SPAG17: variants seen among roughly 807,000 people sequenced by gnomAD.
SPAG17 encodes the protein sperm-associated antigen 17.
Under a neutral mutation model 273.6 loss-of-function variants are expected in SPAG17, and 169 were observed. The observed-to-expected ratio is 0.62, with a 90% CI of 0.55 to 0.70. The LOEUF (loss-of-function observed/expected upper bound fraction) is 0.70. SPAG17 is among the 30% of genes least tolerant of loss of function. SPAG17 has a pLI of 0.00. For synonymous variants in SPAG17, 825 were observed against 873.2 expected, an observed-to-expected ratio of 0.94 and a Z score of 0.97; for missense variants, 2,557 against 2,627.8, an observed-to-expected ratio of 0.97 and a Z score of 0.59.
At chr1:118,015,823 C>T in intron 29 of SPAG17, 142 bp downstream of exon 29, 2 of 736,714 alleles carry the variant, frequency 2.7e-6, no homozygotes, top group Non-Finnish European at 4.4e-6. Context: ...TGAATCCAAT[C>T]ATCCATCCAT....
intron 32 of SPAG17, among the ~76,000 whole-genome samples, chr1:117,999,344 C>T (rs1326254131): frequency 6.6e-6 from 1 of 152,138 alleles, no homozygotes; most frequent in Non-Finnish European, 1.5e-5. Context: ...GGTGCATACC[C>T]AGTAATGGGA....
chr1:118,005,714 G>T, intron 31 of SPAG17, 112 bp from the exon 32 acceptor site: 3 of 731,620 alleles, frequency 4.1e-6, no homozygotes, highest in Non-Finnish European at 5.9e-6. Flanking sequence ...CACAAACTGT[G>T]TTTGCAGGAG....
chr1:118,157,622 G>C (rs867925860), intron 1 of SPAG17, among the ~76,000 whole-genome samples: 2 of 152,286 alleles, frequency 1.3e-5, no homozygotes, highest in East Asian at 3.9e-4. Context: ...ATACTGTGGT[G>C]GCCCCTTGAA....
At chr1:118,126,852 G>A (rs1033067621) in intron 3 of SPAG17, among the ~76,000 whole-genome samples, 55 of 152,264 alleles carry the variant, frequency 3.6e-4, no homozygotes, top group African/African-American at 1.2e-3. Context: ...TCCATTTTGA[G>A]TTGGTTTTTG....
chr1:118,004,955 T>C (rs1032005496), intron 32 of SPAG17, among the ~76,000 whole-genome samples: 52 of 152,200 alleles, frequency 3.4e-4, no homozygotes, highest in African/African-American at 1.3e-3. Flanking sequence ...CAGGATTGTG[T>C]TCTTGATTTG....
intron 30 of SPAG17, among the ~76,000 whole-genome samples, chr1:118,010,102 G>A (rs1659321718): frequency 6.6e-6 from 1 of 152,076 alleles, no homozygotes; most frequent in Admixed American, 6.6e-5. Context: ...TTGGGGAGAT[G>A]TTGGTCAAAG....
At chr1:118,070,439 C>A (rs1312819879) in intron 17 of SPAG17, among the ~76,000 whole-genome samples, 1 of 152,150 alleles carries the variant, frequency 6.6e-6, no homozygotes, top group Admixed American at 6.5e-5. Context: ...AGCAACTGGG[C>A]TATTGCCTAT....
rs180937504 is a variant in SPAG17, at chr1:117,996,954, A to G, written c.4777-211T>C. ...TCTACTTATAAATGACACCTAGAAC[A>G]GGAACACAGACTGAAACATATTCAG... On this transcript the variant is annotated intron_variant, in intron 32 of 48. Transcript: ENST00000336338. 6.0e-3 allele frequency among the ~76,000 whole-genome samples: 908 copies of G among 152,290 alleles called. 7 individuals carry two copies. Among genetic ancestry groups the G allele is most frequent in the Non-Finnish European group, 0.01 (696 of 68,016 alleles).
chr1:117,996,308 A>G (rs1025972963), intron 34 of SPAG17, 62 bp downstream of exon 34: 23 of 1,529,034 alleles, frequency 1.5e-5, no homozygotes, highest in Middle Eastern at 1.8e-4. Flanking sequence ...TAGACTGGAT[A>G]GTAAGGAGGA....
intron 46 of SPAG17, among the ~76,000 whole-genome samples, chr1:117,968,128 T>A (rs1654081566): frequency 6.6e-6 from 1 of 152,118 alleles, no homozygotes; most frequent in African/African-American, 2.4e-5. Flanking sequence ...TTTGAGCAGA[T>A]TCATTTAGTG....
Position 118,040,828 on chromosome 1 carries a change from T to C in SPAG17, c.3068A>G (p.Asn1023Ser), listed in dbSNP as rs1347567675. 6 of 1,576,112 alleles carry C rather than the reference T, an allele frequency of 3.8e-6. No homozygotes were observed. The highest frequency in any genetic ancestry group is 5.2e-6 in the Non-Finnish European group (6 of 1,144,948). ...GATTTGAGTGGGTATATTTCCCATA[T>C]TGTATCCGTGAAACTAGAAGAGAAA... ...PKITYPFHGY[N>S]MGNIPTQISG... Residue 1023 changes from asparagine to serine, a missense_variant, in exon 22 of 49, where the codon AAT becomes AGT. Asn to Ser is a conservative substitution (Grantham distance 46, BLOSUM62 1). Coordinates refer to ENST00000336338, the MANE Select transcript of SPAG17 (RefSeq NM_206996.4).
intron 20 of SPAG17, 57 bp downstream of exon 20, chr1:118,053,945 C>T: frequency 7.8e-7 from 1 of 1,285,270 alleles, no homozygotes; most frequent in South Asian, 1.3e-5. Context: ...AACCACTATC[C>T]TGTTGTGTAA....
intron 3 of SPAG17, among the ~76,000 whole-genome samples, chr1:118,148,761 T>A (rs551228781): frequency 6.6e-6 from 1 of 152,270 alleles, no homozygotes; most frequent in East Asian, 1.9e-4. Context: ...GTCTCAAAGG[T>A]CCAGAAGTCC....
chr1:117,984,626 C>T (rs1164157200), intron 41 of SPAG17, 57 bp downstream of exon 41: 2 of 1,079,474 alleles, frequency 1.9e-6, no homozygotes, highest in East Asian at 2.6e-5. Context: ...ATAACATATG[C>T]AATATACCAA....
At chr1:118,169,269 G>A (rs1227376959) in intron 1 of SPAG17, among the ~76,000 whole-genome samples, 3 of 152,106 alleles carry the variant, frequency 2.0e-5, no homozygotes, top group African/African-American at 7.2e-5. Context: ...ATAATGTGAG[G>A]TTATGAAAAG....
At chr1:118,168,417 G>C (rs145300092) in intron 1 of SPAG17, among the ~76,000 whole-genome samples, 159 of 152,308 alleles carry the variant, frequency 1.0e-3, no homozygotes, top group African/African-American at 3.7e-3. Context: ...CAGTAACTAA[G>C]ATTTGGAGAT....
At chr1:117,993,486 C>T (rs1415700126) in intron 35 of SPAG17, among the ~76,000 whole-genome samples, 2 of 152,132 alleles carry the variant, frequency 1.3e-5, no homozygotes, top group African/African-American at 2.4e-5. Context: ...GAAATGGAGA[C>T]CCAGTGTGAC....
At chr1:118,042,822 C>T (rs1432287120) in intron 20 of SPAG17, among the ~76,000 whole-genome samples, 1 of 152,158 alleles carries the variant, frequency 6.6e-6, no homozygotes, top group African/African-American at 2.4e-5. Context: ...CTTTGAGCTC[C>T]TATGCCTGGA....
chr1:118,051,377 A>G (rs2101978643), intron 20 of SPAG17, among the ~76,000 whole-genome samples: 1 of 152,222 alleles, frequency 6.6e-6, no homozygotes, highest in Admixed American at 6.5e-5. Context: ...TGATCCAGCA[A>G]TCCCACTACT....
Sources: allele counts gnomAD v4.1 joint callset (sites outside exome capture counted in the v4.1 genomes callset), GRCh38; gene constraint gnomAD v4.1.1; transcripts MANE v1.5; gene names NCBI Gene and HGNC (gene_info 2026-07-23, HGNC 2026-07-21).